Variants in ERBB4 observed in about 807,000 individuals in gnomAD.
ERBB4 encodes erb-b2 receptor tyrosine kinase 4.
In ERBB4, 42 loss-of-function variants were observed where a neutral mutation model predicts 158.0. The ratio of observed to expected loss-of-function variants is 0.27; its 90% confidence interval spans 0.21 to 0.34. The LOEUF is 0.34. ERBB4 is among the 10% of genes least tolerant of loss of function. The pLI, the probability that ERBB4 is intolerant of heterozygous loss-of-function variation, is 1.00. For synonymous variants in ERBB4, 583 were observed against 558.7 expected (o/e 1.04, Z -0.61); for missense variants, 1,333 against 1,624.1 (o/e 0.82, Z 3.08).
chr2:211,798,712 A>G (rs2076434828), intron 3 of ERBB4, among the ~76,000 whole-genome samples: 1 of 152,130 alleles, frequency 6.6e-6, no homozygotes, highest in African/African-American at 2.4e-5. Context: ...TTTGAGAGAT[A>G]CATGAAATCC....
chr2:211,771,778 T>G (rs2075698156), intron 4 of ERBB4, among the ~76,000 whole-genome samples: 1 of 152,054 alleles, frequency 6.6e-6, no homozygotes, highest in Non-Finnish European at 1.5e-5. Context: ...TACGATCAGT[T>G]CATACCATGC....
intron 1 of ERBB4, among the ~76,000 whole-genome samples, chr2:212,202,493 C>T (rs2082616308): frequency 6.6e-6 from 1 of 152,008 alleles, no homozygotes; most frequent in East Asian, 1.9e-4. Context: ...GGACTACAGG[C>T]ATGAGCCACC....
chr2:212,098,982 A>T (rs1022076078), intron 2 of ERBB4, among the ~76,000 whole-genome samples: 6 of 151,882 alleles, frequency 4.0e-5, no homozygotes, highest in African/African-American at 1.5e-4. Context: ...GGCTATGCAT[A>T]TTAAAAGGCT....
intron 1 of ERBB4, among the ~76,000 whole-genome samples, chr2:212,386,572 T>TAAAA (rs36107803): frequency 1.5e-5 from 2 of 135,926 alleles, no homozygotes; most frequent in East Asian, 2.2e-4. Context: ...CTTTCTTTCT[T>TAAAA]AAAAAAAAAA....
At chr2:212,514,399 A>C (rs1452991202) in intron 1 of ERBB4, among the ~76,000 whole-genome samples, 3 of 152,248 alleles carry the variant, frequency 2.0e-5, no homozygotes, top group Admixed American at 1.3e-4. Context: ...TTTATTGTTT[A>C]AATATTATCC....
chr2:211,461,081 G>T (rs1056333548), intron 20 of ERBB4, among the ~76,000 whole-genome samples: 18 of 116,834 alleles, frequency 1.5e-4, no homozygotes, highest in South Asian at 7.5e-4. Context: ...CCTAGAGATT[G>T]GGGGAAAAAA....
intron 1 of ERBB4, among the ~76,000 whole-genome samples, chr2:212,287,335 T>C (rs939008689): frequency 6.6e-6 from 1 of 152,150 alleles, no homozygotes; most frequent in Non-Finnish European, 1.5e-5. Context: ...AACACTTATT[T>C]TTCACAGAGC....
At chr2:212,216,068 A>G (rs775523462) in intron 1 of ERBB4, among the ~76,000 whole-genome samples, 4 of 151,380 alleles carry the variant, frequency 2.6e-5, no homozygotes, top group Non-Finnish European at 5.9e-5. Context: ...CGCCGGTGTT[A>G]TGGGCAAAAT....
chr2:211,818,179 C>A (rs975468934), intron 3 of ERBB4, among the ~76,000 whole-genome samples: 2 of 152,052 alleles, frequency 1.3e-5, no homozygotes, highest in African/African-American at 4.8e-5. Context: ...GAATAATCCT[C>A]AGGATTTTTA....
chr2:212,143,021 A>G (rs1026249586), intron 1 of ERBB4, among the ~76,000 whole-genome samples: 1 of 152,120 alleles, frequency 6.6e-6, no homozygotes, highest in Non-Finnish European at 1.5e-5. Flanking sequence ...TAACAAAAGC[A>G]TGTGTCATAT....
At chr2:211,601,284 A>G (rs1391177946) in intron 19 of ERBB4, among the ~76,000 whole-genome samples, 1 of 152,074 alleles carries the variant, frequency 6.6e-6, no homozygotes, top group Non-Finnish European at 1.5e-5. Flanking sequence ...GAGAAAACAT[A>G]CTAGAAAATT....
intron 1 of ERBB4, among the ~76,000 whole-genome samples, chr2:212,256,636 G>A (rs558266859): frequency 5.4e-4 from 82 of 152,232 alleles, no homozygotes; most frequent in African/African-American, 1.9e-3. Context: ...CCCTGAGATA[G>A]TTACTGTCAT....
At chr2:212,315,556 C>A (rs2106249070) in intron 1 of ERBB4, among the ~76,000 whole-genome samples, 1 of 151,496 alleles carries the variant, frequency 6.6e-6, no homozygotes, top group East Asian at 2.0e-4. Context: ...TAATATTGTA[C>A]AAGAACTCTA....
chr2:212,286,631 C>A (rs1184014926), intron 1 of ERBB4, among the ~76,000 whole-genome samples: 1 of 49,020 alleles, frequency 2.0e-5, no homozygotes, highest in Non-Finnish European at 4.5e-5. Flanking sequence ...GACACAGAGT[C>A]TCGCTTTGTT....
At chr2:212,416,258 T>A (rs923041229) in intron 1 of ERBB4, among the ~76,000 whole-genome samples, 1 of 152,150 alleles carries the variant, frequency 6.6e-6, no homozygotes, top group Admixed American at 6.5e-5. Flanking sequence ...GTTGAAAACA[T>A]GGCAGCAAGG....
At chr2:211,415,102 A>ATTTTTTTT (rs1395575088) in intron 25 of ERBB4, among the ~76,000 whole-genome samples, 2 of 81,014 alleles carry the variant, frequency 2.5e-5, no homozygotes, top group African/African-American at 8.9e-5. Flanking sequence ...TGAAACTTAC[A>ATTTTTTTT]TTTTCTTTTT....
chr2:211,785,773 A>G (rs919418471), intron 4 of ERBB4, among the ~76,000 whole-genome samples: 5 of 152,168 alleles, frequency 3.3e-5, no homozygotes, highest in African/African-American at 1.2e-4. Context: ...ATGAATAAGC[A>G]TATTACTATA....
intron 4 of ERBB4, among the ~76,000 whole-genome samples, chr2:211,770,351 C>T (rs2075659358): frequency 6.6e-6 from 1 of 152,102 alleles, no homozygotes. Context: ...ACAAAAAAAG[C>T]ATTCTTAAAT....
chr2:211,379,978 A>G lies in ERBB4; in HGVS notation c.*3637T>C, dbSNP rs527478894. On this transcript the variant is annotated 3_prime_UTR_variant, in exon 28 of 28. Transcript: ENST00000342788. ...TTTTTCCTTAGCATTGTAAGTATGC[A>G]CAATCTTCATGCCATGTCTTTCCTT... 24 of 232,202 alleles carry G rather than the reference A, an allele frequency of 1.0e-4. No individual in the cohort carries two copies. Among genetic ancestry groups the G allele is most frequent in the Non-Finnish European group, 1.9e-4 (22 of 117,416 alleles). 14.4% of individuals were successfully genotyped at this position (232,202 alleles called of 1,614,324 possible).
Sources: allele counts gnomAD v4.1 joint callset (sites outside exome capture counted in the v4.1 genomes callset), GRCh38; gene constraint gnomAD v4.1.1; transcripts MANE v1.5; gene names NCBI Gene and HGNC (gene_info 2026-07-23, HGNC 2026-07-21).